CSNK1G3: variants seen among roughly 807,000 people sequenced by gnomAD.
CSNK1G3 encodes the protein casein kinase 1 gamma 3.
Under a neutral mutation model 64.3 loss-of-function variants are expected in CSNK1G3, and 23 were observed. The observed-to-expected ratio is 0.36, with a 90% CI of 0.26 to 0.51. The LOEUF (loss-of-function observed/expected upper bound fraction) is 0.51, where lower values mean the gene tolerates loss of function less well. Among genes scored for constraint, CSNK1G3 ranks in the 20% least tolerant of loss-of-function variants. The probability of loss-of-function intolerance (pLI) is 0.96; values close to 1 mark genes in which losing one functional copy is unlikely to be tolerated. For missense variants in CSNK1G3, 357 were observed against 510.5 expected (o/e 0.70, Z 2.90); for synonymous variants, 158 against 162.2 (o/e 0.97, Z 0.20).
chr5:123,554,702 G>A (rs1581097523), intron 3 of CSNK1G3, among the ~76,000 whole-genome samples: 1 of 152,196 alleles, frequency 6.6e-6, no homozygotes, highest in African/African-American at 2.4e-5. Flanking sequence ...TAGGCCAGTG[G>A]TCCTGAACCT....
chr5:123,548,280 G>C (rs989103056), intron 2 of CSNK1G3, among the ~76,000 whole-genome samples: 1 of 152,018 alleles, frequency 6.6e-6, no homozygotes, highest in Non-Finnish European at 1.5e-5. Flanking sequence ...GCAACATAGT[G>C]AGAGCCTATC....
At chr5:123,524,772 A>C (rs1386376218) in intron 1 of CSNK1G3, among the ~76,000 whole-genome samples, 1 of 152,224 alleles carries the variant, frequency 6.6e-6, no homozygotes, top group African/African-American at 2.4e-5. Flanking sequence ...TTTTCTGAAG[A>C]GGACCTTGTT....
intron 12 of CSNK1G3, among the ~76,000 whole-genome samples, chr5:123,609,101 A>G (rs1795864237): frequency 1.3e-5 from 2 of 152,210 alleles, no homozygotes; most frequent in Non-Finnish European, 2.9e-5. Flanking sequence ...TCATGCAGGC[A>G]GAGAATATAT....
intron 12 of CSNK1G3, among the ~76,000 whole-genome samples, chr5:123,612,684 G>T (rs986036855): frequency 7.9e-5 from 12 of 151,948 alleles, no homozygotes; most frequent in African/African-American, 7.3e-5. Context: ...TACCATGTTG[G>T]TCAGGCTGGT....
intron 1 of CSNK1G3, among the ~76,000 whole-genome samples, chr5:123,524,185 G>A (rs952290222): frequency 7.9e-5 from 12 of 152,074 alleles, no homozygotes; most frequent in African/African-American, 2.9e-4. Flanking sequence ...ATCTGTGTTA[G>A]TTTCTTTAAC....
chr5:123,518,197 T>C (rs1777512866), intron 1 of CSNK1G3, among the ~76,000 whole-genome samples: 1 of 152,222 alleles, frequency 6.6e-6, no homozygotes, highest in Non-Finnish European at 1.5e-5. Flanking sequence ...ACACCCTTGA[T>C]ATATACCAGG....
intron 3 of CSNK1G3, among the ~76,000 whole-genome samples, chr5:123,556,187 G>T (rs1561513283): frequency 6.6e-6 from 1 of 151,958 alleles, no homozygotes; most frequent in Admixed American, 6.6e-5. Context: ...TATAAGTTTT[G>T]CAGTGGGATT....
rs1425843977 is a variant in CSNK1G3, at chr5:123,559,702, G to T, written c.289+2138G>T. On this transcript the variant is annotated intron_variant, in intron 4 of 12. Coordinates refer to ENST00000345990, the Ensembl canonical transcript of CSNK1G3. The stretch of plus-strand genomic sequence containing the variant: ...CATGAATTTGGGCATATTTTTTGTG[G>T]TTTTTTTTTTTTTTTTGGTCATTTG... 2.4e-4 allele frequency among the ~76,000 whole-genome samples: 32 copies of T among 132,418 alleles called. 1 individual carries two copies. Among genetic ancestry groups the T allele is most frequent in the East Asian group, 1.3e-3 (6 of 4,536 alleles). The allele number at this position is 132,418 out of a possible 152,430, so 86.9% of individuals were successfully genotyped here.
intron 10 of CSNK1G3, among the ~76,000 whole-genome samples, chr5:123,599,378 C>G (rs181326545): frequency 6.6e-6 from 1 of 152,098 alleles, no homozygotes; most frequent in African/African-American, 2.4e-5. Context: ...TGTTGTGCAA[C>G]CAGGCATTGT....
At chr5:123,533,212 C>T (rs77591518) in intron 1 of CSNK1G3, among the ~76,000 whole-genome samples, 1,558 of 151,950 alleles carry the variant, frequency 0.01, 34 homozygotes, top group African/African-American at 0.035. Context: ...ATTCTTGCCC[C>T]GTCCTTCCTT....
intron 4 of CSNK1G3, among the ~76,000 whole-genome samples, chr5:123,561,905 T>G (rs1785805693): frequency 6.6e-6 from 1 of 152,276 alleles, no homozygotes; most frequent in East Asian, 1.9e-4. Flanking sequence ...AAAAGTTCTG[T>G]CAATTTTGTC....
exon 13 of CSNK1G3, chr5:123,614,368 A>G (rs772204810): frequency 1.2e-6 from 2 of 1,613,402 alleles, no homozygotes; most frequent in South Asian, 2.2e-5. Context: ...AAACGAAGGA[A>G]AAGGAAAACC....
At chr5:123,515,227 AT>A (rs1776937408) in intron 1 of CSNK1G3, among the ~76,000 whole-genome samples, 1 of 152,168 alleles carries the variant, frequency 6.6e-6, no homozygotes, top group African/African-American at 2.4e-5. Flanking sequence ...AATCCTCTCC[AT>A]GCTGGGAGTA....
Position 123,605,375 on chromosome 5 carries a change from T to C in CSNK1G3, c.1217+13T>C, listed in dbSNP as rs768591629. 8 of 1,610,626 alleles carry C rather than the reference T, an allele frequency of 5.0e-6. 1 individual carries two copies. The South Asian group carries it at 8.8e-5, about 18-fold the overall frequency. On this transcript the variant is annotated intron_variant, in intron 12 of 12. Transcript: ENST00000345990. The stretch of plus-strand genomic sequence containing the variant: ...TGTTGAACATGTGGTGAGTCTCAAG[T>C]GTAGGCAGGCAGAAATAGCTCCATT...
chr5:123,616,900 T>C (rs1173719678), exon 13 of CSNK1G3: 1 of 152,180 alleles, frequency 6.6e-6, no homozygotes, highest in African/African-American at 2.4e-5. Flanking sequence ...AATATGCTTT[T>C]GTTATTTTAT....
intron 4 of CSNK1G3, among the ~76,000 whole-genome samples, chr5:123,560,208 A>G (rs893194710): frequency 6.6e-5 from 10 of 152,192 alleles, no homozygotes; most frequent in African/African-American, 2.4e-4. Flanking sequence ...TAACAAAACA[A>G]AACAATACAC....
rs1270839704 is a variant in CSNK1G3 at position 123,591,361 on chromosome 5, TCAAA to T, written c.1036_1039del (p.Asn346GlufsTer18). ...AGTTCAGCAAGATCCTGCTCTGTCA[TCAAA>T]CAGAGAAGCACATCAACACAGAGAT... On this transcript the variant is annotated frameshift_variant, in exon 10 of 13. Transcript: ENST00000345990. LOFTEE classifies it high-confidence loss of function. The T allele has an allele frequency of 6.2e-7, 1 of 1,610,572 alleles. No homozygotes were observed. Among genetic ancestry groups the T allele is most frequent in the Non-Finnish European group, 8.5e-7 (1 of 1,178,068 alleles).
At chr5:123,596,794 A>T (rs1022330675) in intron 10 of CSNK1G3, among the ~76,000 whole-genome samples, 6 of 152,146 alleles carry the variant, frequency 3.9e-5, no homozygotes, top group African/African-American at 1.4e-4. Context: ...AGGTAAAACA[A>T]AGAATAGTAT....
chr5:123,554,356 G>A (rs1252331529), intron 3 of CSNK1G3, among the ~76,000 whole-genome samples: 2 of 152,176 alleles, frequency 1.3e-5, no homozygotes, highest in African/African-American at 4.8e-5. Flanking sequence ...TGGATTCACA[G>A]TAATCAGTTC....
Sources: gnomAD v4.1 joint callset for allele counts (sites outside exome capture counted in the v4.1 genomes callset) on GRCh38, gnomAD v4.1.1 for gene constraint, MANE v1.5 for transcripts, NCBI Gene and HGNC (gene_info 2026-07-23, HGNC 2026-07-21) for gene names.